RAPGEF1: variants seen among roughly 807,000 people sequenced by gnomAD.
The protein encoded by RAPGEF1 is CRK SH3-binding GNRP.
RAPGEF1 carries 33 observed loss-of-function variants against 143.3 expected under a neutral mutation model. That is an observed-to-expected ratio of 0.23 (90% CI 0.17 to 0.31). RAPGEF1 has a LOEUF of 0.31. Among genes scored for constraint, RAPGEF1 ranks in the 10% least tolerant of loss-of-function variants. The probability of loss-of-function intolerance (pLI) is 1.00; values close to 1 mark genes in which losing one functional copy is unlikely to be tolerated. For synonymous variants in RAPGEF1, 629 were observed against 676.5 expected, an observed-to-expected ratio of 0.93 and a Z score of 1.09; for missense variants, 1,199 against 1,645.4, an observed-to-expected ratio of 0.73 and a Z score of 4.69.
At chr9:131,601,914 C>CA in intron 15 of RAPGEF1, 147 bp downstream of exon 15, 1 of 636,858 alleles carries the variant, frequency 1.6e-6, no homozygotes, top group Non-Finnish European at 2.7e-6. Context: ...CTCTAAAAAA[C>CA]AAAAAAAGGA....
chr9:131,658,764 C>A (rs2133596083), intron 1 of RAPGEF1, among the ~76,000 whole-genome samples: 1 of 152,370 alleles, frequency 6.6e-6, no homozygotes, highest in Non-Finnish European at 1.5e-5. Flanking sequence ...CCAATTTCTT[C>A]AAGTGGTCTG....
intron 1 of RAPGEF1, among the ~76,000 whole-genome samples, chr9:131,730,193 CAAAAAAAAA>C (rs57402366): frequency 1.5e-5 from 1 of 67,000 alleles, no homozygotes; most frequent in African/African-American, 6.4e-5. Flanking sequence ...GACTCCCTCT[CAAAAAAAAA>C]AAAAAAAAAA....
intron 1 of RAPGEF1, among the ~76,000 whole-genome samples, chr9:131,692,345 C>T (rs778427599): frequency 3.3e-5 from 5 of 152,192 alleles, no homozygotes; most frequent in Non-Finnish European, 7.3e-5. Context: ...TAGCCCTGTT[C>T]GTTGTTTTTG....
intron 5 of RAPGEF1, among the ~76,000 whole-genome samples, chr9:131,631,107 C>G (rs192503065): frequency 3.6e-4 from 55 of 152,280 alleles, no homozygotes; most frequent in Admixed American, 9.8e-4. Flanking sequence ...TCATAGATTA[C>G]TTTTGCCTGT....
At chr9:131,692,216 G>A (rs1219800938) in intron 1 of RAPGEF1, among the ~76,000 whole-genome samples, 5 of 152,198 alleles carry the variant, frequency 3.3e-5, no homozygotes, top group Non-Finnish European at 7.3e-5. Context: ...AGTTTGACGA[G>A]ACTAAGCTCA....
intron 4 of RAPGEF1, 121 bp downstream of exon 4, chr9:131,643,117 AG>A: frequency 4.5e-6 from 5 of 1,104,598 alleles, no homozygotes; most frequent in Non-Finnish European, 6.3e-6. Context: ...GGGAAGGATG[AG>A]GGGTGATGGA....
intron 1 of RAPGEF1, among the ~76,000 whole-genome samples, chr9:131,705,173 T>A (rs994196858): frequency 8.5e-5 from 13 of 152,202 alleles, no homozygotes; most frequent in African/African-American, 3.1e-4. Flanking sequence ...GCACGTCCAC[T>A]GTGCACTGTG....
chr9:131,705,407 A>T (rs1391774920), intron 1 of RAPGEF1, among the ~76,000 whole-genome samples: 1 of 152,238 alleles, frequency 6.6e-6, no homozygotes, highest in Admixed American at 6.5e-5. Flanking sequence ...TAACACAATA[A>T]GATGCAGTCA....
At chr9:131,736,965 T>C (rs540973142) in intron 1 of RAPGEF1, among the ~76,000 whole-genome samples, 1 of 152,142 alleles carries the variant, frequency 6.6e-6, no homozygotes, top group African/African-American at 2.4e-5. Flanking sequence ...AACAGAAATC[T>C]AACAAAATGT....
chr9:131,662,985 G>GAA (rs200900465), intron 1 of RAPGEF1, among the ~76,000 whole-genome samples: 3 of 148,708 alleles, frequency 2.0e-5, no homozygotes, highest in East Asian at 2.0e-4. Flanking sequence ...TTGTATTCTG[G>GAA]AAAAAAAAAA....
intron 1 of RAPGEF1, among the ~76,000 whole-genome samples, chr9:131,682,755 A>G (rs1833022097): frequency 6.6e-6 from 1 of 152,182 alleles, no homozygotes; most frequent in Admixed American, 6.5e-5. Flanking sequence ...GGGTAAGTCA[A>G]ATTACTGATA....
chr9:131,651,313 A>C (rs1971024120), intron 1 of RAPGEF1, among the ~76,000 whole-genome samples: 1 of 152,242 alleles, frequency 6.6e-6, no homozygotes, highest in Non-Finnish European at 1.5e-5. Context: ...AGAACTGGAA[A>C]GGAAGGCCCT....
At chr9:131,713,253 C>T (rs970620272) in intron 1 of RAPGEF1, among the ~76,000 whole-genome samples, 21 of 152,160 alleles carry the variant, frequency 1.4e-4, no homozygotes, top group African/African-American at 5.1e-4. Flanking sequence ...TTATCAAGGT[C>T]ACTCCTTCAG....
Position 131,588,758 on chromosome 9 carries a change from G to A in RAPGEF1, c.3053+43C>T, listed in dbSNP as rs1239251097. The stretch of plus-strand genomic sequence containing the variant: ...AGGGAGGGTAAACTGAGAAAGGCAC[G>A]GCTCCTGGGGAAGAGGCAGGGCTGG... On this transcript the variant is annotated intron_variant, in intron 20 of 26. Transcript: ENST00000683357. 7.7e-6 allele frequency: 12 copies of A among 1,561,850 alleles called. No homozygotes were observed. In the East Asian group the frequency reaches 9.2e-5, roughly 12 times the overall value.
In RAPGEF1 at chr9:131,579,638, G is replaced by A; in HGVS notation, c.3651C>T (p.Asp1217=). Residue 1217 remains aspartate (D), a synonymous_variant, in exon 27 of 27, where the codon GAC becomes GAT. Coordinates refer to ENST00000683357, the MANE Select transcript of RAPGEF1 (RefSeq NM_001377935.1). The part of the protein sequence containing the change: ...SMRCFQQAHY[D]MRRNDDIINF... ...TTATAATGTCGTCGTTCCTCCGCAT[G>A]TCATAGTGCCTGGTGCAGGGGATGG... 2 of 1,613,930 alleles carry A rather than the reference G, an allele frequency of 1.2e-6. No individual in the cohort carries two copies. The highest frequency in any genetic ancestry group is 3.3e-4 in the Middle Eastern group (2 of 6,056).
At chr9:131,694,796 T>TA (rs1834023469) in intron 1 of RAPGEF1, among the ~76,000 whole-genome samples, 3 of 115,196 alleles carry the variant, frequency 2.6e-5, no homozygotes, top group Non-Finnish European at 5.5e-5. Flanking sequence ...CTTCACACTT[T>TA]CTTTTTTTTT....
At chr9:131,658,638 G>A (rs374769180) in intron 1 of RAPGEF1, among the ~76,000 whole-genome samples, 8 of 152,220 alleles carry the variant, frequency 5.3e-5, no homozygotes, top group African/African-American at 1.7e-4. Context: ...GCTGTCGGAT[G>A]AATGTCCTTC....
chr9:131,704,410 C>T (rs1176580028), intron 1 of RAPGEF1, among the ~76,000 whole-genome samples: 1 of 151,952 alleles, frequency 6.6e-6, no homozygotes, highest in Admixed American at 6.6e-5. Flanking sequence ...CCACCCCCAG[C>T]CCCACCTGGG....
intron 1 of RAPGEF1, among the ~76,000 whole-genome samples, chr9:131,733,092 T>C (rs1353471528): frequency 1.3e-5 from 2 of 152,138 alleles, no homozygotes; most frequent in Admixed American, 1.3e-4. Context: ...AAGTGGGTTT[T>C]CACATTGTGT....
Sources: allele counts gnomAD v4.1 joint callset (sites outside exome capture counted in the v4.1 genomes callset), GRCh38; gene constraint gnomAD v4.1.1; transcripts MANE v1.5; gene names NCBI Gene and HGNC (gene_info 2026-07-23, HGNC 2026-07-21).